NHSL2: variants seen among roughly 807,000 people sequenced by gnomAD.
NHSL2 encodes NHS-like protein 2.
Under a neutral mutation model 53.4 loss-of-function variants are expected in NHSL2, and 27 were observed. That is an observed-to-expected ratio of 0.51 (90% CI 0.37 to 0.70). The LOEUF (loss-of-function observed/expected upper bound fraction) is 0.70. Ranked by LOEUF, NHSL2 falls within the 30% of genes least tolerant of loss-of-function variation. The pLI is 0.00. For synonymous variants in NHSL2, 408 were observed against 404.1 expected, an observed-to-expected ratio of 1.01 and a Z score of -0.12; for missense variants, 892 against 980.1, an observed-to-expected ratio of 0.91 and a Z score of 1.20.
At chrX:72,107,146 G>A (rs1016351891) in intron 1 of NHSL2, among the ~76,000 whole-genome samples, 74 of 110,397 alleles carry the variant, frequency 6.7e-4, no homozygotes, top group African/African-American at 2.2e-3. Context: ...TTAAAAGGCC[G>A]GGCGCGGTGG....
intron 1 of NHSL2, among the ~76,000 whole-genome samples, chrX:71,945,597 C>T (rs2041788776): frequency 9.0e-6 from 1 of 111,631 alleles, no homozygotes; most frequent in African/African-American, 3.3e-5. Flanking sequence ...GAGGCTGAGC[C>T]AAGGGTGTGT....
chrX:72,137,357 A>G, intron 5 of NHSL2, 132 bp downstream of exon 5: 1 of 582,319 alleles, frequency 1.7e-6, no homozygotes, highest in Non-Finnish European at 2.6e-6. Flanking sequence ...GATGTCCTGA[A>G]AAAGCCAATA....
At chrX:71,998,832 A>G (rs2042060974) in intron 1 of NHSL2, among the ~76,000 whole-genome samples, 1 of 111,593 alleles carries the variant, frequency 9.0e-6, no homozygotes, top group Admixed American at 9.5e-5. Context: ...TCACACATGC[A>G]AACACTGCCT....
intron 1 of NHSL2, among the ~76,000 whole-genome samples, chrX:72,020,301 G>T (rs2042154128): frequency 8.9e-6 from 1 of 112,319 alleles, no homozygotes; most frequent in African/African-American, 3.2e-5. Context: ...TGAGTCTTGT[G>T]TTCCCAGCAA....
In NHSL2 at chrX:72,117,276, CAT is replaced by C. The variant is rs775815391; in HGVS notation, c.281-14801_281-14800del. On this transcript the variant is annotated intron_variant, in intron 1 of 7. Transcript: ENST00000633930. Reference sequence around the variant, plus strand: ...TTAAATGGTAGCATATCTGTTGATACATAGTCACTATAGGATCTAGTATGATG... The same window carrying C: ...TTAAATGGTAGCATATCTGTTGATACAGTCACTATAGGATCTAGTATGATG... Among the ~76,000 whole-genome samples, 105 of 102,531 alleles carry C rather than the reference CAT, an allele frequency of 1.0e-3. 1 individual carries two copies. The South Asian group carries it at 0.049, about 48-fold the overall frequency. 89.0% of individuals were successfully genotyped at this position (102,531 alleles called of 115,157 possible).
chrX:72,075,280 A>G (rs892986739), intron 1 of NHSL2, among the ~76,000 whole-genome samples: 1 of 112,422 alleles, frequency 8.9e-6, no homozygotes, highest in Admixed American at 9.4e-5. Context: ...GACATTCTCA[A>G]AGACCTTGTG....
chrX:72,044,588 G>A (rs2042294469), intron 1 of NHSL2: 18 of 1,063,351 alleles, frequency 1.7e-5, no homozygotes, highest in South Asian at 7.4e-5. Context: ...AAAAAGGGCC[G>A]CGGCCACGTG....
intron 1 of NHSL2, among the ~76,000 whole-genome samples, chrX:72,075,955 CAG>C (rs2041738846): frequency 9.4e-6 from 1 of 106,818 alleles, no homozygotes; most frequent in African/African-American, 3.4e-5. Context: ...TTTTCTGAGA[CAG>C]AGTTTCACTC....
intron 1 of NHSL2, chrX:72,127,821 A>AT (rs887376088): frequency 4.4e-5 from 5 of 112,969 alleles, no homozygotes; most frequent in African/African-American, 1.6e-4. Flanking sequence ...GCTTAAATGA[A>AT]TTATTCAGTA....
At chrX:71,994,719 G>T (rs747020596) in intron 1 of NHSL2, among the ~76,000 whole-genome samples, 1 of 111,865 alleles carries the variant, frequency 8.9e-6, no homozygotes, top group East Asian at 2.8e-4. Context: ...GGGGAGTGAT[G>T]AGTCTGATCT....
At chrX:72,068,244 C>T (rs1355962492) in intron 1 of NHSL2, among the ~76,000 whole-genome samples, 1 of 112,335 alleles carries the variant, frequency 8.9e-6, no homozygotes, top group African/African-American at 3.2e-5. Flanking sequence ...GACTGAATGA[C>T]TGGGCAGGTG....
chrX:72,034,762 A>G (rs995227943), intron 1 of NHSL2, among the ~76,000 whole-genome samples: 2 of 111,708 alleles, frequency 1.8e-5, no homozygotes, highest in Non-Finnish European at 3.8e-5. Flanking sequence ...TGTACTGATA[A>G]CCCTGTTTCA....
At chrX:71,920,402 G>C (rs1462567007) in intron 1 of NHSL2, among the ~76,000 whole-genome samples, 1 of 110,581 alleles carries the variant, frequency 9.0e-6, no homozygotes, top group African/African-American at 3.3e-5. Context: ...TATTGACCAA[G>C]ATATAGTGAT....
chrX:72,074,738 A>T (rs1304154530), intron 1 of NHSL2, among the ~76,000 whole-genome samples: 1 of 113,018 alleles, frequency 8.8e-6, no homozygotes, highest in Non-Finnish European at 1.9e-5. Context: ...AGCAACATGA[A>T]CAATGCTTAT....
At chrX:72,079,278 G>T (rs1455563940) in intron 1 of NHSL2, among the ~76,000 whole-genome samples, 1 of 112,837 alleles carries the variant, frequency 8.9e-6, no homozygotes, top group African/African-American at 3.2e-5. Flanking sequence ...TTGAAAGCCA[G>T]TGATTCTCTT....
chrX:72,128,025 A>G (rs1229826669), intron 1 of NHSL2: 3 of 112,411 alleles, frequency 2.7e-5, no homozygotes, highest in Non-Finnish European at 3.8e-5. Context: ...CTATTTTCCA[A>G]ACTTTCTTTA....
chrX:72,068,854 G>A (rs1475936863), intron 1 of NHSL2, among the ~76,000 whole-genome samples: 1 of 111,802 alleles, frequency 8.9e-6, no homozygotes, highest in Non-Finnish European at 1.9e-5. Context: ...GGCTTCAGGT[G>A]TGTCTGACAA....
intron 1 of NHSL2, among the ~76,000 whole-genome samples, chrX:71,926,225 G>GA (rs2041684382): frequency 1.8e-5 from 2 of 111,628 alleles, no homozygotes; most frequent in Non-Finnish European, 3.8e-5. Flanking sequence ...TTTGAGAAAT[G>GA]AAAAAAATAG....
At chrX:72,020,021 A>G (rs1449286426) in intron 1 of NHSL2, among the ~76,000 whole-genome samples, 1 of 111,901 alleles carries the variant, frequency 8.9e-6, no homozygotes, top group African/African-American at 3.3e-5. Flanking sequence ...TCCTATCCCC[A>G]TAGGATAAAC....
Sources: gnomAD v4.1 joint callset for allele counts (sites outside exome capture counted in the v4.1 genomes callset) on GRCh38, gnomAD v4.1.1 for gene constraint, MANE v1.5 for transcripts, NCBI Gene and HGNC (gene_info 2026-07-23, HGNC 2026-07-21) for gene names.